The following PCDHA7 variants were observed in gnomAD, a reference collection of about 807,000 sequenced individuals.
PCDHA7 encodes protocadherin alpha 7, also known as protocadherin alpha-7.
PCDHA7 carries 37 observed loss-of-function variants against 57.2 expected under a neutral mutation model. The ratio of observed to expected loss-of-function variants is 0.65; its 90% CI spans 0.50 to 0.85. PCDHA7 has a LOEUF of 0.85. Among genes scored for constraint, PCDHA7 ranks in the 40% least tolerant of loss-of-function variants. The probability of loss-of-function intolerance (pLI) is 0.00; values close to 1 mark genes in which losing one functional copy is unlikely to be tolerated. For missense variants in PCDHA7, 1,188 were observed against 1,241.8 expected, an observed-to-expected ratio of 0.96 and a Z score of 0.65; for synonymous variants, 553 against 558.8, an observed-to-expected ratio of 0.99 and a Z score of 0.15.
At chr5:140,880,509 T>G (rs754891409) in intron 1 of PCDHA7, among the ~76,000 whole-genome samples, 134 of 152,182 alleles carry the variant, frequency 8.8e-4, no homozygotes, top group Non-Finnish European at 1.6e-3. Flanking sequence ...TTCTGTTTGG[T>G]CACATCTCTC....
chr5:140,882,475 AAGAC>A (rs2059154037), intron 1 of PCDHA7: 1 of 1,613,902 alleles, frequency 6.2e-7, no homozygotes, highest in Non-Finnish European at 8.5e-7. Flanking sequence ...TGGCGTCCAA[AAGAC>A]ACGGGGACCT....
At chr5:140,968,776 A>G (rs1346540500) in intron 1 of PCDHA7, 4 of 1,614,082 alleles carry the variant, frequency 2.5e-6, no homozygotes, top group Admixed American at 3.3e-5. Context: ...AGCCATCACT[A>G]TCAGCCTCTG....
intron 1 of PCDHA7, among the ~76,000 whole-genome samples, chr5:140,889,237 A>C (rs1181963973): frequency 6.6e-6 from 1 of 151,844 alleles, no homozygotes; most frequent in Non-Finnish European, 1.5e-5. Context: ...AACTTCCAGA[A>C]AATTTTCTGT....
chr5:140,942,840 T>C (rs75984395), intron 1 of PCDHA7, among the ~76,000 whole-genome samples: 6,117 of 152,206 alleles, frequency 0.04, 136 homozygotes, highest in Non-Finnish European at 0.052. Context: ...CAATAAAAAT[T>C]CCAGTAAGAT....
intron 3 of PCDHA7, among the ~76,000 whole-genome samples, chr5:141,008,870 C>G (rs539100133): frequency 1.4e-4 from 22 of 152,126 alleles, no homozygotes; most frequent in Non-Finnish European, 7.3e-5. Flanking sequence ...ATGCTGCATC[C>G]CACCACCCTT....
intron 1 of PCDHA7, chr5:140,968,814 G>A: frequency 1.5e-5 from 24 of 1,614,232 alleles, no homozygotes; most frequent in Non-Finnish European, 1.9e-5. Context: ...GTGGTGGATA[G>A]GGTTTCCAAA....
chr5:140,841,787 G>A, intron 1 of PCDHA7: 1 of 1,613,878 alleles, frequency 6.2e-7, no homozygotes, highest in Non-Finnish European at 8.5e-7. Context: ...TCCGCTAGAG[G>A]GCGCGTCCGA....
At chr5:140,891,034 G>A (rs1377509789) in intron 1 of PCDHA7, among the ~76,000 whole-genome samples, 1 of 151,488 alleles carries the variant, frequency 6.6e-6, no homozygotes, top group Non-Finnish European at 1.5e-5. Context: ...ATAATCTTAG[G>A]TGTGACCCCC....
chr5:140,966,561 G>C (rs2153747879), intron 1 of PCDHA7: 1 of 488,962 alleles, frequency 2.0e-6, no homozygotes, highest in Non-Finnish European at 3.4e-6. Context: ...GGAGGAGCTG[G>C]AATATGGGGA....
intron 1 of PCDHA7, chr5:140,884,609 G>T: frequency 6.2e-7 from 1 of 1,614,138 alleles, no homozygotes; most frequent in Non-Finnish European, 8.5e-7. Context: ...TCCTTGTCTG[G>T]GTTCTGCAGA....
At chr5:140,875,893 C>T (rs781840611) in intron 1 of PCDHA7, 1 of 1,614,140 alleles carries the variant, frequency 6.2e-7, no homozygotes, top group Non-Finnish European at 8.5e-7. Flanking sequence ...ACAAAAGGTA[C>T]CTGTTTCTGA....
At chr5:140,954,787 T>C (rs2095088208) in intron 1 of PCDHA7, among the ~76,000 whole-genome samples, 1 of 152,218 alleles carries the variant, frequency 6.6e-6, no homozygotes, top group African/African-American at 2.4e-5. Flanking sequence ...TAGATCTCAT[T>C]TGTCAATTTT....
At chr5:140,962,318 A>G (rs2095672102) in intron 1 of PCDHA7, among the ~76,000 whole-genome samples, 1 of 152,338 alleles carries the variant, frequency 6.6e-6, no homozygotes, top group South Asian at 2.1e-4. Context: ...GGCCATCTCA[A>G]TTGAGAATAC....
At chr5:140,997,481 A>G (rs1563624223) in intron 3 of PCDHA7, among the ~76,000 whole-genome samples, 1 of 152,224 alleles carries the variant, frequency 6.6e-6, no homozygotes, top group Non-Finnish European at 1.5e-5. Flanking sequence ...ACACAATGAT[A>G]AGTATTTGTG....
intron 1 of PCDHA7, chr5:140,927,991 G>T: frequency 6.2e-7 from 1 of 1,614,202 alleles, no homozygotes; most frequent in Non-Finnish European, 8.5e-7. Flanking sequence ...TGTAAAGGAT[G>T]AAGACCTCGA....
chr5:140,977,841 A>G lies in PCDHA7; in HGVS notation c.2356-1108A>G, dbSNP rs76111417. On this transcript the variant is annotated intron_variant, in intron 1 of 3. Transcript: ENST00000525929. The stretch of plus-strand genomic sequence containing the variant: ...TTTTGAATGGTCTATTGATATTACT[A>G]TGGCTTTGTTTCTACCAAATATGGT... Among the ~76,000 whole-genome samples the G allele has an allele frequency of 8.3e-3, 1,257 of 152,348 alleles. 23 individuals carry two copies. Among genetic ancestry groups the G allele is most frequent in the African/African-American group, 0.028 (1,184 of 41,574 alleles).
intron 3 of PCDHA7, among the ~76,000 whole-genome samples, chr5:140,991,401 T>C (rs1271447254): frequency 6.6e-6 from 1 of 152,218 alleles, no homozygotes; most frequent in Non-Finnish European, 1.5e-5. Context: ...TGTATTTATT[T>C]CCCATTATGC....
intron 1 of PCDHA7, among the ~76,000 whole-genome samples, chr5:140,922,803 A>G (rs2080995467): frequency 6.6e-6 from 1 of 152,246 alleles, no homozygotes; most frequent in African/African-American, 2.4e-5. Flanking sequence ...TGGAATACAG[A>G]AAAAGGAGAT....
At chr5:140,998,211 T>C (rs2097801578) in intron 3 of PCDHA7, among the ~76,000 whole-genome samples, 1 of 152,226 alleles carries the variant, frequency 6.6e-6, no homozygotes. Context: ...TTAATCTGTA[T>C]AACCACACCC....
Sources: allele counts gnomAD v4.1 joint callset (sites outside exome capture counted in the v4.1 genomes callset), GRCh38; gene constraint gnomAD v4.1.1; transcripts MANE v1.5; gene names NCBI Gene and HGNC (gene_info 2026-07-23, HGNC 2026-07-21).